Variants in GRM4 observed in about 807,000 individuals in gnomAD.
The protein encoded by GRM4 is glutamate metabotropic receptor 4, also known as metabotropic glutamate receptor 4.
A neutral mutation model predicts 81.7 loss-of-function variants in GRM4; 28 were observed. The ratio of observed to expected loss-of-function variants is 0.34; its 90% CI spans 0.25 to 0.47. The LOEUF (loss-of-function observed/expected upper bound fraction) is 0.47. GRM4 is among the 20% of genes least tolerant of loss of function. The probability of loss-of-function intolerance (pLI) is 1.00; values close to 1 mark genes in which losing one functional copy is unlikely to be tolerated. For synonymous variants in GRM4, 488 were observed against 528.8 expected (o/e 0.92, Z 1.06); for missense variants, 948 against 1,290.0 (o/e 0.73, Z 4.06).
rs1022635398 is a variant in GRM4 at position 34,069,716 on chromosome 6, G to C, written c.737-7688C>G. Among the ~76,000 whole-genome samples the C allele has an allele frequency of 6.6e-6, 1 of 151,670 alleles. No homozygotes were observed. The highest frequency in any genetic ancestry group is 1.5e-5 in the Non-Finnish European group (1 of 67,968). ...CCTGAGCGCCTGCCTCTTCTCCCAG[G>C]AGGGTCTCCCTGATGCACCCAGTGA... On this transcript the variant is annotated intron_variant, in intron 3 of 10. Coordinates refer to ENST00000538487, the MANE Select transcript of GRM4 (RefSeq NM_000841.4). This position sits in a 1 kb window ranked among gnomAD's most constrained non-coding sequence, Gnocchi z 6.4.
intron 1 of GRM4, among the ~76,000 whole-genome samples, chr6:34,151,888 G>T (rs999317412): frequency 6.6e-6 from 1 of 152,122 alleles, no homozygotes; most frequent in African/African-American, 2.4e-5. Context: ...GAGCCTTAGC[G>T]TCATCCACTG....
chr6:34,136,641 C>T lies in GRM4; in HGVS notation c.-363-2782G>A, dbSNP rs1770471405. On this transcript the variant is annotated intron_variant, in intron 1 of 10. Transcript: ENST00000538487. This position sits in a 1 kb window ranked among gnomAD's most constrained non-coding sequence, Gnocchi z 4.1. Reference sequence around the variant, plus strand: ...AGATGCCATGGGGGAAGGAGGCCTCCAAGAGGAGAAAGGCAAACACCCGCA... The same window carrying T: ...AGATGCCATGGGGGAAGGAGGCCTCTAAGAGGAGAAAGGCAAACACCCGCA... 6.6e-6 allele frequency among the ~76,000 whole-genome samples: 1 copy of T among 151,228 alleles called. No homozygotes were observed. Among genetic ancestry groups the T allele is most frequent in the Admixed American group, 6.6e-5 (1 of 15,180 alleles).
At chr6:34,131,003 G>T (rs970779990) in intron 2 of GRM4, among the ~76,000 whole-genome samples, 1 of 152,212 alleles carries the variant, frequency 6.6e-6, no homozygotes, top group Admixed American at 6.5e-5. Context: ...GATGGCCCAG[G>T]CTGCCTCAGC....
chr6:34,137,322 G>A (rs1288772085), intron 1 of GRM4, among the ~76,000 whole-genome samples: 3 of 152,274 alleles, frequency 2.0e-5, no homozygotes, highest in African/African-American at 7.2e-5. Flanking sequence ...AGAGCCCTGA[G>A]GGGCAGGGAT....
At chr6:34,071,555 A>AC (rs1196167934) in intron 3 of GRM4, among the ~76,000 whole-genome samples, 7 of 5,398 alleles carry the variant, frequency 1.3e-3, no homozygotes, top group South Asian at 4.2e-3. Flanking sequence ...TACACACATC[A>AC]CACAGATAAA....
chr6:34,100,266 C>A (rs75356096), intron 2 of GRM4, among the ~76,000 whole-genome samples: 4 of 152,350 alleles, frequency 2.6e-5, no homozygotes, highest in African/African-American at 9.6e-5. Context: ...CTCCTCCCCC[C>A]GGTCTGGAGA....
In GRM4 at chr6:34,048,569, C is replaced by T. The variant is rs1445296767; in HGVS notation, c.1169-7821G>A. 2.0e-5 allele frequency among the ~76,000 whole-genome samples: 3 copies of T among 152,144 alleles called. No individual in the cohort carries two copies. Among genetic ancestry groups the T allele is most frequent in the Non-Finnish European group, 4.4e-5 (3 of 68,000 alleles). On this transcript the variant is annotated intron_variant, in intron 6 of 10. Transcript: ENST00000538487. This position sits in a 1 kb window ranked among gnomAD's most constrained non-coding sequence, Gnocchi z 4.0. Reference sequence around the variant, plus strand: ...TCTCCCCCATTATTCAGCAGCCTCCCTTCAAGGAGCATCTAGCTTTCCACC... The same window carrying T: ...TCTCCCCCATTATTCAGCAGCCTCCTTTCAAGGAGCATCTAGCTTTCCACC...
At chr6:34,072,856 A>T (rs1767028886) in intron 3 of GRM4, among the ~76,000 whole-genome samples, 1 of 69,012 alleles carries the variant, frequency 1.4e-5, no homozygotes, top group South Asian at 4.7e-4. Flanking sequence ...CCACACACAC[A>T]ATCACCACAC....
chr6:34,028,046 A>G (rs1764218771), intron 10 of GRM4, 74 bp downstream of exon 10: 1 of 1,471,994 alleles, frequency 6.8e-7, no homozygotes. Flanking sequence ...GGGGAGGGGC[A>G]GGAGCTCAGC....
rs748467016 is a variant in GRM4, at chr6:34,092,002, G to A, written c.617C>T (p.Ala206Val). Reference protein sequence around the residue: ...SRVVPSDTYQAQAMVDIVRAL... With the variant: ...SRVVPSDTYQVQAMVDIVRAL... ...ACGGACGATGTCCACCATGGCCTGG[G>A]CCTGGTACGTGTCCGAGGGCACCAC... Residue 206 changes from alanine to valine, a missense_variant, in exon 3 of 11, where the codon GCC becomes GTC. Transcript: ENST00000538487. The surrounding 1 kb of genome is among the most constrained non-coding windows in gnomAD (Gnocchi z 6.8). 1.2e-5 allele frequency: 20 copies of A among 1,613,676 alleles called. No homozygotes were observed. The South Asian group carries it at 2.2e-4, about 18-fold the overall frequency.
chr6:34,149,433 T>C (rs1771002925), upstream of GRM4, among the ~76,000 whole-genome samples: 1 of 152,210 alleles, frequency 6.6e-6, no homozygotes, highest in Non-Finnish European at 1.5e-5. Flanking sequence ...ATTTTCAGGA[T>C]GAAGAGCTGA....
In GRM4 at chr6:34,081,841, G is replaced by C. The variant is rs1013609237; in HGVS notation, c.736+10042C>G. On this transcript the variant is annotated intron_variant, in intron 3 of 10. Coordinates refer to ENST00000538487, the MANE Select transcript of GRM4 (RefSeq NM_000841.4). ...GCCACATCCCCAAGGAGCTCAGAGT[G>C]GGGGACTTGGAGTGCCAGGAACCCC... 2.0e-5 allele frequency among the ~76,000 whole-genome samples: 3 copies of C among 152,200 alleles called. No homozygotes were observed. The East Asian group carries it at 5.8e-4, about 29-fold the overall frequency.
At chr6:34,142,712 G>A (rs946816197) in intron 1 of GRM4, among the ~76,000 whole-genome samples, 2 of 152,216 alleles carry the variant, frequency 1.3e-5, no homozygotes, top group African/African-American at 2.4e-5. Context: ...TCACCCGCTC[G>A]CTCTCTCACC....
At chr6:34,102,793 G>A (rs138756468) in intron 2 of GRM4, among the ~76,000 whole-genome samples, 6 of 152,198 alleles carry the variant, frequency 3.9e-5, no homozygotes, top group East Asian at 3.9e-4. Flanking sequence ...TGCACAGCCC[G>A]CCCATGAGAC....
chr6:34,132,700 C>T (rs1770290980), intron 2 of GRM4, among the ~76,000 whole-genome samples: 2 of 152,184 alleles, frequency 1.3e-5, no homozygotes, highest in Non-Finnish European at 2.9e-5. Context: ...CACCGAGCCT[C>T]CAGCGGCAGG....
At chr6:34,044,995 TAAAC>T (rs1581611487) in intron 6 of GRM4, among the ~76,000 whole-genome samples, 3 of 150,978 alleles carry the variant, frequency 2.0e-5, no homozygotes, top group East Asian at 3.9e-4. Context: ...TACACTGAAA[TAAAC>T]ACACACACAC....
chr6:34,077,646 C>T (rs1472766150), intron 3 of GRM4, among the ~76,000 whole-genome samples: 1 of 152,124 alleles, frequency 6.6e-6, no homozygotes, highest in Non-Finnish European at 1.5e-5. Context: ...CCAGCCTCCT[C>T]TCCCACCCCC....
At position 34,068,371 on chromosome 6, in the gene GRM4, T is replaced by C. The variant is rs890245263; in HGVS notation, c.737-6343A>G. Among the ~76,000 whole-genome samples, 1 of 152,150 alleles carries C rather than the reference T, an allele frequency of 6.6e-6. No homozygotes were observed. On this transcript the variant is annotated intron_variant, in intron 3 of 10. Transcript: ENST00000538487. The surrounding 1 kb of genome is among the most constrained non-coding windows in gnomAD (Gnocchi z 4.2). ...AAGTGAGGCGGGACGTGCTGCTAAA[T>C]GAATTCACATTTCTGTCCTGCACGA...
At position 34,130,174 on chromosome 6, in the gene GRM4, C is replaced by A. The variant is rs373125307; in HGVS notation, c.519+2804G>T. 2.6e-5 allele frequency among the ~76,000 whole-genome samples: 4 copies of A among 152,184 alleles called. No homozygotes were observed. The highest frequency in any genetic ancestry group is 4.4e-5 in the Non-Finnish European group (3 of 68,042). On this transcript the variant is annotated intron_variant, in intron 2 of 10. Transcript: ENST00000538487. This position sits in a 1 kb window ranked among gnomAD's most constrained non-coding sequence, Gnocchi z 4.1. ...TGTAAATGGCTTTTAAGTTTCTCAC[C>A]CAGCCTCTCATTTCTATCAGTTTAA...
Sources: gnomAD v4.1 joint callset for allele counts (sites outside exome capture counted in the v4.1 genomes callset) on GRCh38, gnomAD v4.1.1 for gene constraint, Gnocchi (gnomAD v3.1) non-coding constraint, MANE v1.5 for transcripts, NCBI Gene and HGNC (gene_info 2026-07-23, HGNC 2026-07-21) for gene names.